MED20: variants seen among roughly 807,000 people sequenced by gnomAD.
The protein encoded by MED20 is mediator of RNA polymerase II transcription subunit 20.
Under a neutral mutation model 19.7 loss-of-function variants are expected in MED20, and 19 were observed. That is an observed-to-expected ratio of 0.96 (90% CI 0.67 to 1.42). MED20 has a LOEUF of 1.42. MED20 is among the 40% of genes most tolerant of loss of function. The probability of loss-of-function intolerance (pLI) is 0.00; values close to 1 mark genes in which losing one functional copy is unlikely to be tolerated. For synonymous variants in MED20, 105 were observed against 104.8 expected (o/e 1.00, Z -0.01); for missense variants, 225 against 273.0 (o/e 0.82, Z 1.24).
At chr6:41,918,738 G>C (rs1775380663) in intron 1 of MED20, among the ~76,000 whole-genome samples, 1 of 151,178 alleles carries the variant, frequency 6.6e-6, no homozygotes, top group African/African-American at 2.4e-5. Context: ...ATGAGGTCAG[G>C]AGATCGAGAC....
At chr6:41,918,401 G>A (rs1467284133) in intron 1 of MED20, among the ~76,000 whole-genome samples, 1 of 152,138 alleles carries the variant, frequency 6.6e-6, no homozygotes, top group Non-Finnish European at 1.5e-5. Context: ...CTACATGGGA[G>A]GCTGAGGCAG....
Position 41,917,090 on chromosome 6 carries a change from T to C in MED20, c.15-151A>G. On this transcript the variant is annotated intron_variant, in intron 1 of 3. Coordinates refer to ENST00000265350, the MANE Select transcript of MED20 (RefSeq NM_004275.5). Reference sequence around the variant, plus strand: ...CCGTCTCCCAATCCCTGCAACTTTATTATTATTTTTAATTAAAAAAAATTT... The same window carrying C: ...CCGTCTCCCAATCCCTGCAACTTTACTATTATTTTTAATTAAAAAAAATTT... 8 of 801,978 alleles carry C rather than the reference T, an allele frequency of 1.0e-5. No individual in the cohort carries two copies. The South Asian group carries it at 2.6e-4, about 26-fold the overall frequency. 49.7% of individuals were successfully genotyped at this position (801,978 alleles called of 1,614,324 possible).
Position 41,906,956 on chromosome 6 carries a change from GGA to G in MED20, c.*114_*115del. The G allele has an allele frequency of 1.2e-6, 1 of 869,088 alleles. No homozygotes were observed. The allele number at this position is 869,088 out of a possible 1,614,324, so 53.8% of individuals were successfully genotyped here. ...AAAGCCACAGCTGAGAACCAGAGAA[GGA>G]GAGTAGAGTCCATGTCTACCCTGGG... On this transcript the variant is annotated 3_prime_UTR_variant, in exon 4 of 4. Transcript: ENST00000265350.
Position 41,912,221 on chromosome 6 carries a change from T to TG in MED20, c.170-2700dup, listed in dbSNP as rs1554151223. On this transcript the variant is annotated intron_variant, in intron 2 of 3. Transcript: ENST00000265350. ...CACCTTTTTTTTTTTTTTTTTTTTT[T>TG]GTAAAGATGAGGTCTTACCATCTTG... Among the ~76,000 whole-genome samples, 850 of 146,858 alleles carry TG rather than the reference T, an allele frequency of 5.8e-3. 3 individuals carry two copies. Among genetic ancestry groups the TG allele is most frequent in the African/African-American group, 0.021 (810 of 38,942 alleles).
At chr6:41,911,713 T>C (rs939268586) in intron 2 of MED20, among the ~76,000 whole-genome samples, 5 of 152,098 alleles carry the variant, frequency 3.3e-5, no homozygotes, top group African/African-American at 4.8e-5. Flanking sequence ...AGAGGTCATA[T>C]GGCTTCCCTA....
chr6:41,905,764 GGAGA>G lies in MED20; in HGVS notation c.*1304_*1307del. 1 of 152,336 alleles carries G rather than the reference GGAGA, an allele frequency of 6.6e-6. No individual in the cohort carries two copies. Among genetic ancestry groups the G allele is most frequent in the South Asian group, 2.1e-4 (1 of 4,826 alleles). 9.4% of individuals were successfully genotyped at this position (152,336 alleles called of 1,614,324 possible). A position where few individuals can be genotyped will look rare whatever the true frequency, so the allele number is the denominator to read the frequency against. Reference sequence around the variant, plus strand: ...GTAGTTTGGAGGCTCAAATGAAACAGGAGAAAGAGCTCAGGAACCATGAAGCATG... The same window carrying G: ...GTAGTTTGGAGGCTCAAATGAAACAGAAGAGCTCAGGAACCATGAAGCATG... On this transcript the variant is annotated 3_prime_UTR_variant, in exon 4 of 4. Transcript: ENST00000265350.
At chr6:41,911,943 C>T (rs1284492763) in intron 2 of MED20, among the ~76,000 whole-genome samples, 1 of 152,176 alleles carries the variant, frequency 6.6e-6, no homozygotes, top group East Asian at 1.9e-4. Context: ...TATGAGTCTA[C>T]AAGTGTTACT....
chr6:41,917,217 T>C (rs1167078433), intron 1 of MED20, among the ~76,000 whole-genome samples: 1 of 151,892 alleles, frequency 6.6e-6, no homozygotes, highest in Non-Finnish European at 1.5e-5. Context: ...CTGGCCAACA[T>C]GGTGAAACCC....
At chr6:41,919,776 A>T (rs1168940734) in intron 1 of MED20, among the ~76,000 whole-genome samples, 1 of 152,204 alleles carries the variant, frequency 6.6e-6, no homozygotes, top group Non-Finnish European at 1.5e-5. Flanking sequence ...TTTCTTTAAA[A>T]AAAAGAAAGA....
intron 2 of MED20, among the ~76,000 whole-genome samples, chr6:41,913,268 GCA>G (rs1156934367): frequency 6.6e-6 from 1 of 152,066 alleles, no homozygotes; most frequent in East Asian, 1.9e-4. Flanking sequence ...TGATCTAAAG[GCA>G]CAGAGCCAGT....
Position 41,916,879 on chromosome 6 carries a change from G to T in MED20, c.75C>A (p.Thr25=). Residue 25 remains threonine (T), a synonymous_variant, in exon 2 of 4, where the codon ACC becomes ACA. Transcript: ENST00000265350. ...KSVQQTVELL[T]RKLEMLGAEK... is the part of the protein sequence containing the mutation. Reference sequence around the variant, plus strand: ...CTGCCCCAAGCATCTCCAATTTCCGGGTAAGGAGCTCTACGGTTTGCTGAA... The same window carrying T: ...CTGCCCCAAGCATCTCCAATTTCCGTGTAAGGAGCTCTACGGTTTGCTGAA... 6.2e-7 allele frequency: 1 copy of T among 1,614,022 alleles called. No homozygotes were observed.
rs1047135426 is a variant in MED20 at position 41,921,101 on chromosome 6, C to T, written c.-83G>A. 1 of 1,559,094 alleles carries T rather than the reference C, an allele frequency of 6.4e-7. No homozygotes were observed. Among genetic ancestry groups the T allele is most frequent in the East Asian group, 2.3e-5 (1 of 42,856 alleles). ...GCCCACAGAAACTCCTTCAGTTCCC[C>T]AACACAACCTTCTGTCTCAGAAGGG... On this transcript the variant is annotated 5_prime_UTR_variant, in exon 1 of 4. Coordinates refer to ENST00000265350, the MANE Select transcript of MED20 (RefSeq NM_004275.5).
At chr6:41,907,342 C>T in intron 3 of MED20, 55 bp from the exon 4 acceptor site, 2 of 1,518,014 alleles carry the variant, frequency 1.3e-6, no homozygotes, top group South Asian at 1.2e-5. Context: ...ACAAGGTCTG[C>T]TTCTCTTGTA....
rs1160528919 is a variant in MED20 at position 41,907,009 on chromosome 6, T to G, written c.*63A>C. ...TTTCTGGGGTCCAGGGACCTGAAAG[T>G]CAGCACCTGCTCCTCCTGTGGAGTA... On this transcript the variant is annotated 3_prime_UTR_variant, in exon 4 of 4. Transcript: ENST00000265350. 1.5e-5 allele frequency: 22 copies of G among 1,505,800 alleles called. No individual in the cohort carries two copies. Among genetic ancestry groups the G allele is most frequent in the Middle Eastern group, 2.4e-4 (1 of 4,242 alleles). The allele number at this position is 1,505,800 out of a possible 1,614,324, so 93.3% of individuals were successfully genotyped here.
chr6:41,917,927 A>G, intron 1 of MED20: 1 of 331,048 alleles, frequency 3.0e-6, no homozygotes, highest in Admixed American at 3.8e-5. Flanking sequence ...CTAGGAACAA[A>G]AAAAGAAAAG....
In MED20 at chr6:41,906,717, T is replaced by G; in HGVS notation, c.*355A>C. 4.2e-6 allele frequency: 1 copy of G among 237,010 alleles called. No homozygotes were observed. The highest frequency in any genetic ancestry group is 8.6e-5 in the South Asian group (1 of 11,630). The allele number at this position is 237,010 out of a possible 1,614,324, so 14.7% of individuals were successfully genotyped here. A position where few individuals can be genotyped will look rare whatever the true frequency, so the allele number is the denominator to read the frequency against. On this transcript the variant is annotated 3_prime_UTR_variant, in exon 4 of 4. Transcript: ENST00000265350. The stretch of plus-strand genomic sequence containing the variant: ...CCATTGGCCTGGGACAAATCCTTAA[T>G]AGTTGGGGATACGGACTATTTCCCC...
Position 41,920,912 on chromosome 6 carries a change from C to T in MED20, c.14+93G>A. ...CTACACAACCCGAGGACATCTCCCTCAGCTCCCAGAGGACGGCGGACCATG... is the reference window on the plus strand; with the variant it reads ...CTACACAACCCGAGGACATCTCCCTTAGCTCCCAGAGGACGGCGGACCATG... On this transcript the variant is annotated intron_variant, in intron 1 of 3. Transcript: ENST00000265350. The T allele has an allele frequency of 4.6e-6, 7 of 1,514,430 alleles. No homozygotes were observed. The South Asian group carries it at 7.5e-5, about 16-fold the overall frequency. The allele number at this position is 1,514,430 out of a possible 1,614,324, so 93.8% of individuals were successfully genotyped here.
intron 2 of MED20, among the ~76,000 whole-genome samples, chr6:41,912,693 T>C (rs578208374): frequency 1.8e-4 from 27 of 152,230 alleles, no homozygotes; most frequent in African/African-American, 5.1e-4. Context: ...AATCCTTTCA[T>C]GTCTGTACCA....
At chr6:41,919,120 C>T (rs1775393639) in intron 1 of MED20, among the ~76,000 whole-genome samples, 1 of 129,772 alleles carries the variant, frequency 7.7e-6, no homozygotes, top group South Asian at 2.5e-4. Flanking sequence ...CAGAGTGAGA[C>T]TCTGCCTCAA....
Sources: gnomAD v4.1 joint callset for allele counts (sites outside exome capture counted in the v4.1 genomes callset) on GRCh38, gnomAD v4.1.1 for gene constraint, MANE v1.5 for transcripts, NCBI Gene and HGNC (gene_info 2026-07-23, HGNC 2026-07-21) for gene names.